Variants in IMMP2L observed in about 807,000 individuals in gnomAD.
IMMP2L encodes mitochondrial inner membrane protease subunit 2.
In IMMP2L, 18 loss-of-function variants were observed where a neutral mutation model predicts 19.3. That is an observed-to-expected ratio of 0.93 (90% CI 0.64 to 1.38). The LOEUF (loss-of-function observed/expected upper bound fraction) is 1.38, where lower values mean the gene tolerates loss of function less well. Among genes scored for constraint, IMMP2L ranks in the 40% most tolerant of loss-of-function variants. The pLI is 0.00. For missense variants in IMMP2L, 233 were observed against 218.2 expected, an observed-to-expected ratio of 1.07 and a Z score of -0.43; for synonymous variants, 76 against 73.0, an observed-to-expected ratio of 1.04 and a Z score of -0.21.
At chr7:111,554,616 T>TA in intron 1 of IMMP2L, among the ~76,000 whole-genome samples, 1 of 151,492 alleles carries the variant, frequency 6.6e-6, no homozygotes, top group East Asian at 1.9e-4. Flanking sequence ...TTATTTTTAT[T>TA]TTATTATTAT....
At chr7:111,132,012 T>C (rs1218001282) in intron 3 of IMMP2L, among the ~76,000 whole-genome samples, 6 of 151,964 alleles carry the variant, frequency 3.9e-5, no homozygotes, top group Non-Finnish European at 8.8e-5. Context: ...ATTAGATTCA[T>C]TAATTGTTCC....
chr7:111,447,728 G>C (rs1164970518), intron 3 of IMMP2L, among the ~76,000 whole-genome samples: 1 of 151,192 alleles, frequency 6.6e-6, no homozygotes, highest in Non-Finnish European at 1.5e-5. Context: ...AAATGTAAAT[G>C]GACTAAATTC....
At chr7:111,217,126 T>TCTCTCACACACACA (rs1472700586) in intron 3 of IMMP2L, among the ~76,000 whole-genome samples, 17 of 123,998 alleles carry the variant, frequency 1.4e-4, no homozygotes, top group African/African-American at 4.7e-4. Flanking sequence ...TCTCTCTCTC[T>TCTCTCACACACACA]CACACACACA....
intron 1 of IMMP2L, among the ~76,000 whole-genome samples, chr7:111,544,209 G>A (rs1217761670): frequency 3.3e-5 from 5 of 149,746 alleles, no homozygotes; most frequent in Admixed American, 3.3e-4. Context: ...AGAACACTTG[G>A]ACACAGGATG....
intron 3 of IMMP2L, among the ~76,000 whole-genome samples, chr7:110,995,690 A>C (rs886261923): frequency 6.6e-6 from 1 of 152,132 alleles, no homozygotes; most frequent in Non-Finnish European, 1.5e-5. Context: ...CACAGGCAGC[A>C]TCATAAGTAG....
At chr7:111,445,102 C>T (rs1054947680) in intron 3 of IMMP2L, among the ~76,000 whole-genome samples, 1 of 152,004 alleles carries the variant, frequency 6.6e-6, no homozygotes, top group African/African-American at 2.4e-5. Context: ...TAAAAATGAC[C>T]TATGTGAGAA....
rs1346885194 is a variant in IMMP2L at position 110,887,569 on chromosome 7, G to A, written c.306-874C>T. 2.8e-5 allele frequency among the ~76,000 whole-genome samples: 4 copies of A among 143,770 alleles called. No individual in the cohort carries two copies. The Admixed American group carries it at 2.8e-4, about 10-fold the overall frequency. The allele number at this position is 143,770 out of a possible 152,430, so 94.3% of individuals were successfully genotyped here. On this transcript the variant is annotated intron_variant, in intron 4 of 5. Coordinates refer to ENST00000405709, the MANE Select transcript of IMMP2L (RefSeq NM_032549.4). The stretch of plus-strand genomic sequence containing the variant: ...GACAAATTTATTCATTACAAGGGGT[G>A]TTCAAACAAGGCTTTTTATAGCAAA...
chr7:111,066,931 G>T (rs1794559929), intron 3 of IMMP2L, among the ~76,000 whole-genome samples: 1 of 152,192 alleles, frequency 6.6e-6, no homozygotes, highest in Non-Finnish European at 1.5e-5. Flanking sequence ...GTCTATGATT[G>T]TATATGGAGC....
intron 3 of IMMP2L, among the ~76,000 whole-genome samples, chr7:111,046,174 C>T (rs1792376447): frequency 2.0e-5 from 3 of 151,766 alleles, no homozygotes; most frequent in Non-Finnish European, 4.4e-5. Flanking sequence ...ATTAGAAACA[C>T]AAGAATAAAA....
intron 5 of IMMP2L, among the ~76,000 whole-genome samples, chr7:110,884,043 T>G (rs895915249): frequency 1.3e-5 from 2 of 152,038 alleles, no homozygotes; most frequent in African/African-American, 4.8e-5. Context: ...GAAGAGTCAA[T>G]TGAAGAGTCT....
chr7:110,997,287 C>A (rs78431333), intron 3 of IMMP2L, among the ~76,000 whole-genome samples: 3,667 of 152,060 alleles, frequency 0.024, 125 homozygotes, highest in African/African-American at 0.083. Context: ...TTTGTTTAAC[C>A]ACTCACCTGT....
intron 3 of IMMP2L, among the ~76,000 whole-genome samples, chr7:110,994,038 C>T (rs1383750862): frequency 6.6e-6 from 1 of 151,792 alleles, no homozygotes; most frequent in African/African-American, 2.4e-5. Context: ...TCTATTTGTC[C>T]CTCTCTGTGC....
At chr7:111,395,012 C>A in intron 3 of IMMP2L, 1 of 238,756 alleles carries the variant, frequency 4.2e-6, no homozygotes. Context: ...ATTATGTGTG[C>A]AGCTGTTCGC....
intron 4 of IMMP2L, among the ~76,000 whole-genome samples, chr7:110,949,818 G>C (rs1338135323): frequency 6.6e-6 from 1 of 152,092 alleles, no homozygotes; most frequent in East Asian, 1.9e-4. Context: ...GTTAAGATTA[G>C]AAAGATACAG....
rs1452411504 is a variant in IMMP2L, at chr7:111,253,823, G to A, written c.239+233415C>T. On this transcript the variant is annotated intron_variant, in intron 3 of 5. Transcript: ENST00000405709. ...ACAAAAAGCCAGGCAAGTAATGAAAGTAACTGAAGAGCCCCAGAAAACCAT... is the reference window on the plus strand; with the variant it reads ...ACAAAAAGCCAGGCAAGTAATGAAAATAACTGAAGAGCCCCAGAAAACCAT... Among the ~76,000 whole-genome samples, 6 of 152,162 alleles carry A rather than the reference G, an allele frequency of 3.9e-5. No homozygotes were observed. In the East Asian group the frequency reaches 1.2e-3, roughly 29 times the overall value.
chr7:111,207,539 T>TG (rs1810848894), intron 3 of IMMP2L, among the ~76,000 whole-genome samples: 1 of 140,832 alleles, frequency 7.1e-6, no homozygotes, highest in Non-Finnish European at 1.5e-5. Flanking sequence ...TTTTGGTTTT[T>TG]TTTTTTTTTT....
At chr7:111,241,369 G>A (rs903842050) in intron 3 of IMMP2L, among the ~76,000 whole-genome samples, 1 of 151,920 alleles carries the variant, frequency 6.6e-6, no homozygotes, top group Non-Finnish European at 1.5e-5. Context: ...GATTTGCTTT[G>A]TAAAAATTTT....
chr7:111,443,991 A>G (rs1838025752), intron 3 of IMMP2L, among the ~76,000 whole-genome samples: 1 of 152,162 alleles, frequency 6.6e-6, no homozygotes, highest in Admixed American at 6.5e-5. Flanking sequence ...ATGTTTAAAT[A>G]GATTTTAAAA....
intron 4 of IMMP2L, among the ~76,000 whole-genome samples, chr7:110,889,790 T>C (rs529115302): frequency 1.3e-5 from 2 of 152,208 alleles, no homozygotes; most frequent in African/African-American, 4.8e-5. Flanking sequence ...TCTGCACAAG[T>C]TGATGAAACT....
Sources: allele counts gnomAD v4.1 joint callset (sites outside exome capture counted in the v4.1 genomes callset), GRCh38; gene constraint gnomAD v4.1.1; transcripts MANE v1.5; gene names NCBI Gene and HGNC (gene_info 2026-07-23, HGNC 2026-07-21).